OSBPL10: variants seen among roughly 807,000 people sequenced by gnomAD.
OSBPL10 encodes oxysterol binding protein like 10.
In OSBPL10, 49 loss-of-function variants were observed where a neutral mutation model predicts 81.7. The observed-to-expected ratio is 0.60, with a 90% CI of 0.48 to 0.76. The LOEUF (loss-of-function observed/expected upper bound fraction) is 0.76, where lower values mean the gene tolerates loss of function less well. Ranked by LOEUF, OSBPL10 falls within the 30% of genes least tolerant of loss-of-function variation. OSBPL10 has a pLI of 0.00. For synonymous variants in OSBPL10, 419 were observed against 383.6 expected, an observed-to-expected ratio of 1.09 and a Z score of -1.08; for missense variants, 923 against 987.8, an observed-to-expected ratio of 0.93 and a Z score of 0.88.
intron 4 of OSBPL10, among the ~76,000 whole-genome samples, chr3:31,806,513 TACA>T (rs1559473024): frequency 6.6e-6 from 1 of 152,244 alleles, no homozygotes; most frequent in Non-Finnish European, 1.5e-5. Context: ...CTTCTTTTGA[TACA>T]TATCTATTGA....
At chr3:31,871,357 C>T (rs1701321566) in intron 3 of OSBPL10, among the ~76,000 whole-genome samples, 1 of 152,060 alleles carries the variant, frequency 6.6e-6, no homozygotes. Context: ...CCCTCCTGAG[C>T]CAGCGAGACT....
chr3:31,773,445 G>A (rs1315652620), intron 4 of OSBPL10, among the ~76,000 whole-genome samples: 1 of 152,176 alleles, frequency 6.6e-6, no homozygotes, highest in Non-Finnish European at 1.5e-5. Context: ...ATAGGCTTAT[G>A]AGGAATGAAT....
intron 1 of OSBPL10, among the ~76,000 whole-genome samples, chr3:32,067,721 A>G (rs1699790471): frequency 6.6e-6 from 1 of 152,132 alleles, no homozygotes; most frequent in African/African-American, 2.4e-5. Flanking sequence ...ACCCTTGAGA[A>G]TGTACCTTGT....
chr3:32,011,440 T>C (rs901315687), intron 2 of OSBPL10, among the ~76,000 whole-genome samples: 3 of 152,182 alleles, frequency 2.0e-5, no homozygotes, highest in African/African-American at 7.2e-5. Flanking sequence ...ACCCCATCTG[T>C]ACGTCACCAT....
At chr3:31,818,418 C>T (rs6802081) in intron 4 of OSBPL10, among the ~76,000 whole-genome samples, 110,997 of 152,020 alleles carry the variant, frequency 0.73, 40,814 homozygotes, top group East Asian at 0.95. Context: ...TTCCTTAAAA[C>T]AAACTTCTCT....
intron 6 of OSBPL10, among the ~76,000 whole-genome samples, chr3:31,723,960 C>G (rs1182604331): frequency 1.3e-5 from 2 of 152,122 alleles, no homozygotes; most frequent in African/African-American, 4.8e-5. Context: ...TTTCATAGAA[C>G]TAGGCAAGTG....
At chr3:31,879,195 A>G (rs1315135596) in intron 2 of OSBPL10, among the ~76,000 whole-genome samples, 1 of 152,186 alleles carries the variant, frequency 6.6e-6, no homozygotes, top group East Asian at 1.9e-4. Flanking sequence ...GCTTCTCACC[A>G]GGCTCTACGA....
At chr3:31,740,792 A>AAAAG (rs1246425540) in intron 5 of OSBPL10, among the ~76,000 whole-genome samples, 5 of 148,450 alleles carry the variant, frequency 3.4e-5, no homozygotes, top group South Asian at 4.2e-4. Flanking sequence ...AAAAAAGAAA[A>AAAAG]AAAGAAAGAA....
chr3:31,675,483 TGGTATC>T (rs1700444158), intron 8 of OSBPL10, among the ~76,000 whole-genome samples: 1 of 152,204 alleles, frequency 6.6e-6, no homozygotes, highest in African/African-American at 2.4e-5. Flanking sequence ...GCAGAGATAA[TGGTATC>T]TGTATCTCCC....
At chr3:31,751,330 G>A (rs971915302) in intron 4 of OSBPL10, among the ~76,000 whole-genome samples, 17 of 152,108 alleles carry the variant, frequency 1.1e-4, no homozygotes, top group African/African-American at 3.1e-4. Flanking sequence ...CTGGGCGACA[G>A]AGTGAGACCT....
At chr3:31,920,598 T>C (rs1313916465) in intron 1 of OSBPL10, among the ~76,000 whole-genome samples, 1 of 152,138 alleles carries the variant, frequency 6.6e-6, no homozygotes, top group Non-Finnish European at 1.5e-5. Context: ...AGATGGATGG[T>C]AGATGGTAGA....
chr3:31,724,556 C>T (rs191731381), intron 6 of OSBPL10, among the ~76,000 whole-genome samples: 52 of 152,180 alleles, frequency 3.4e-4, no homozygotes, highest in African/African-American at 1.2e-3. Flanking sequence ...AAACAACACC[C>T]ACCCAAGAAG....
chr3:31,756,072 T>A (rs1436149174), intron 4 of OSBPL10, among the ~76,000 whole-genome samples: 1 of 152,164 alleles, frequency 6.6e-6, no homozygotes, highest in African/African-American at 2.4e-5. Context: ...ACACAACTTA[T>A]CGTACGGGTC....
chr3:31,965,890 T>G (rs1242935553), intron 1 of OSBPL10, among the ~76,000 whole-genome samples: 5 of 87,728 alleles, frequency 5.7e-5, no homozygotes, highest in African/African-American at 4.8e-4. Context: ...ATAGATAACA[T>G]ATATTATATA....
rs57831426 is a variant in OSBPL10, at chr3:31,700,469, G to A, written c.1245+1890C>T. 841 of 151,728 alleles carry A rather than the reference G, an allele frequency of 5.5e-3. 7 individuals carry two copies. The highest frequency in any genetic ancestry group is 0.02 in the African/African-American group (807 of 41,342). 9.4% of individuals were successfully genotyped at this position (151,728 alleles called of 1,614,324 possible). A position where few individuals can be genotyped will look rare whatever the true frequency, so the allele number is the denominator to read the frequency against. On this transcript the variant is annotated intron_variant, in intron 7 of 11. Coordinates refer to ENST00000396556, the MANE Select transcript of OSBPL10 (RefSeq NM_017784.5). ...TCTTTCCTCCATCATTCATGATTCT[G>A]AGTTTTATAAACATTAAAAAAAAAT...
At position 31,838,269 on chromosome 3, in the gene OSBPL10, G is replaced by A. The variant is rs555798100; in HGVS notation, c.538-8038C>T. ...CTCAAGCCTGTAATCCCAGCACTTT[G>A]GGAGGCTGAGGTGGGCGGATCATGA... On this transcript the variant is annotated intron_variant, in intron 3 of 11. Transcript: ENST00000396556. Among the ~76,000 whole-genome samples the A allele has an allele frequency of 1.4e-3, 212 of 152,124 alleles. 1 individual carries two copies. Among genetic ancestry groups the A allele is most frequent in the Non-Finnish European group, 1.7e-3 (119 of 68,026 alleles).
In OSBPL10 at chr3:31,893,978, A is replaced by G. The variant is rs1695982345; in HGVS notation, c.282-14148T>C. Among the ~76,000 whole-genome samples, 5 of 152,348 alleles carry G rather than the reference A, an allele frequency of 3.3e-5. No homozygotes were observed. In the South Asian group the frequency reaches 1.0e-3, roughly 32 times the overall value. ...ATATAAATTTACTAAAAGTAACTCA[A>G]TTGTATACTTACAATGAGTGAATTT... On this transcript the variant is annotated intron_variant, in intron 1 of 11. Coordinates refer to ENST00000396556, the MANE Select transcript of OSBPL10 (RefSeq NM_017784.5).
intron 2 of OSBPL10, among the ~76,000 whole-genome samples, chr3:31,994,721 A>G (rs997187094): frequency 6.6e-6 from 1 of 152,214 alleles, no homozygotes; most frequent in Admixed American, 6.5e-5. Flanking sequence ...AACACCAGAT[A>G]TGTTACTGCC....
chr3:31,758,244 G>A (rs376749616), intron 4 of OSBPL10, among the ~76,000 whole-genome samples: 4 of 152,246 alleles, frequency 2.6e-5, no homozygotes, highest in East Asian at 1.9e-4. Flanking sequence ...ATGTACATGT[G>A]CATGTATTAA....
Sources: allele counts gnomAD v4.1 joint callset (sites outside exome capture counted in the v4.1 genomes callset), GRCh38; gene constraint gnomAD v4.1.1; transcripts MANE v1.5; gene names NCBI Gene and HGNC (gene_info 2026-07-23, HGNC 2026-07-21).